AP3B1: variants seen among roughly 807,000 people sequenced by gnomAD.
The protein encoded by AP3B1 is adaptor related protein complex 3 subunit beta 1.
Under a neutral mutation model 132.5 loss-of-function variants are expected in AP3B1, and 61 were observed. The ratio of observed to expected loss-of-function variants is 0.46; its 90% CI spans 0.37 to 0.57. The LOEUF is 0.57. Among genes scored for constraint, AP3B1 ranks in the 20% least tolerant of loss-of-function variants. The pLI, the probability that AP3B1 is intolerant of heterozygous loss-of-function variation, is 0.00. For missense variants in AP3B1, 1,120 were observed against 1,289.4 expected (o/e 0.87, Z 2.01); for synonymous variants, 388 against 438.3 (o/e 0.89, Z 1.43).
intron 18 of AP3B1, 157 bp downstream of exon 18, chr5:78,115,968 GA>G: frequency 1.5e-6 from 1 of 679,484 alleles, no homozygotes; most frequent in Non-Finnish European, 2.6e-6. Context: ...AAATTACTTT[GA>G]AAACTAAAGA....
chr5:78,001,129 G>A (rs893129528), downstream of AP3B1: 1 of 152,174 alleles, frequency 6.6e-6, no homozygotes. Flanking sequence ...TTTTAAAGAT[G>A]AGTGTCCTAA....
chr5:78,072,467 T>A (rs1280128151), intron 22 of AP3B1, among the ~76,000 whole-genome samples: 3 of 152,180 alleles, frequency 2.0e-5, no homozygotes, highest in Non-Finnish European at 2.9e-5. Context: ...TCTCTCTTAA[T>A]CTAAAGGTAT....
chr5:78,267,990 T>C (rs1748397044), intron 1 of AP3B1, among the ~76,000 whole-genome samples: 2 of 152,280 alleles, frequency 1.3e-5, no homozygotes, highest in Admixed American at 1.3e-4. Context: ...AAAATGAGCC[T>C]TACTTTCCAA....
At chr5:78,069,259 T>A (rs115278538) in intron 22 of AP3B1, among the ~76,000 whole-genome samples, 275 of 152,022 alleles carry the variant, frequency 1.8e-3, no homozygotes, top group African/African-American at 6.0e-3. Context: ...TTCTGGTCAA[T>A]CAGGCAAGAG....
At chr5:78,202,511 C>T (rs1238588738) in intron 7 of AP3B1, among the ~76,000 whole-genome samples, 2 of 146,330 alleles carry the variant, frequency 1.4e-5, no homozygotes, top group Admixed American at 6.9e-5. Context: ...AGTGTTTCTG[C>T]TTTTGTGTGT....
At chr5:78,167,632 TACACACACAC>T (rs77249088) in intron 11 of AP3B1, among the ~76,000 whole-genome samples, 14 of 146,182 alleles carry the variant, frequency 9.6e-5, no homozygotes, top group South Asian at 2.1e-4. Context: ...GTTATATATA[TACACACACAC>T]ACACACACAC....
intron 22 of AP3B1, among the ~76,000 whole-genome samples, chr5:78,040,226 G>C (rs183341230): frequency 1.3e-5 from 2 of 151,998 alleles, no homozygotes; most frequent in African/African-American, 4.8e-5. Context: ...ATATGGAATT[G>C]ATTTTGATAT....
chr5:78,285,880 C>T (rs562155417), intron 1 of AP3B1, among the ~76,000 whole-genome samples: 1 of 152,288 alleles, frequency 6.6e-6, no homozygotes, highest in East Asian at 1.9e-4. Context: ...ATCGGATCAC[C>T]TTCTCTTGCC....
chr5:78,270,611 G>A (rs1020006511), intron 1 of AP3B1, among the ~76,000 whole-genome samples: 2 of 152,170 alleles, frequency 1.3e-5, no homozygotes, highest in African/African-American at 2.4e-5. Context: ...CAAGTGGTGC[G>A]CTGCAAATAT....
chr5:78,183,229 C>T (rs370570810), intron 7 of AP3B1, among the ~76,000 whole-genome samples: 1 of 152,148 alleles, frequency 6.6e-6, no homozygotes, highest in Non-Finnish European at 1.5e-5. Flanking sequence ...GCAGGGAATC[C>T]GGACTCCTGC....
intron 22 of AP3B1, among the ~76,000 whole-genome samples, chr5:78,059,116 A>G (rs1442503059): frequency 6.6e-6 from 1 of 152,238 alleles, no homozygotes; most frequent in East Asian, 1.9e-4. Context: ...GGAGGGCCCA[A>G]GTAATCACAC....
At chr5:78,150,220 G>GGCATAGTA (rs2112344157) in intron 14 of AP3B1, among the ~76,000 whole-genome samples, 1 of 152,164 alleles carries the variant, frequency 6.6e-6, no homozygotes, top group African/African-American at 2.4e-5. Flanking sequence ...TCAAGAAAAA[G>GGCATAGTA]GCATAGTAAA....
intron 20 of AP3B1, among the ~76,000 whole-genome samples, chr5:78,109,054 G>A (rs921682451): frequency 6.6e-6 from 1 of 152,034 alleles, no homozygotes; most frequent in Non-Finnish European, 1.5e-5. Flanking sequence ...TTTGATGTAA[G>A]TATGAAATGA....
chr5:78,078,566 G>A (rs1749857295), intron 22 of AP3B1, among the ~76,000 whole-genome samples: 1 of 152,026 alleles, frequency 6.6e-6, no homozygotes. Context: ...CCATTCCCTG[G>A]GCTGAAATAC....
intron 14 of AP3B1, among the ~76,000 whole-genome samples, chr5:78,142,767 GAC>G (rs1266093362): frequency 6.6e-6 from 1 of 152,094 alleles, no homozygotes; most frequent in Non-Finnish European, 1.5e-5. Flanking sequence ...TGTTTGGTGA[GAC>G]ACAAGAAATC....
chr5:78,282,226 G>A (rs1184117424), intron 1 of AP3B1, among the ~76,000 whole-genome samples: 1 of 152,010 alleles, frequency 6.6e-6, no homozygotes, highest in African/African-American at 2.4e-5. Flanking sequence ...CACACCAGCA[G>A]CTGGCACTGC....
At chr5:78,028,418 C>A (rs961892033) in intron 24 of AP3B1, among the ~76,000 whole-genome samples, 1 of 150,110 alleles carries the variant, frequency 6.7e-6, no homozygotes, top group East Asian at 1.9e-4. Context: ...GAGCTGAGAG[C>A]GCCTGGGCAA....
chr5:78,262,628 A>G (rs1215327723), intron 2 of AP3B1, among the ~76,000 whole-genome samples: 1 of 150,950 alleles, frequency 6.6e-6, no homozygotes, highest in East Asian at 1.9e-4. Flanking sequence ...TGTCTTCACT[A>G]CTATGCTTTG....
intron 7 of AP3B1, among the ~76,000 whole-genome samples, chr5:78,203,076 T>G (rs1224950454): frequency 6.6e-6 from 1 of 152,184 alleles, no homozygotes; most frequent in Non-Finnish European, 1.5e-5. Context: ...CCCCATGGTT[T>G]CTAATGAGAA....
Sources: allele counts gnomAD v4.1 joint callset (sites outside exome capture counted in the v4.1 genomes callset), GRCh38; gene constraint gnomAD v4.1.1; transcripts MANE v1.5; gene names NCBI Gene and HGNC (gene_info 2026-07-23, HGNC 2026-07-21).